KANSL2: variants seen among roughly 807,000 people sequenced by gnomAD.
KANSL2 encodes the protein NSL complex protein NSL2.
In KANSL2, 34 loss-of-function variants were observed where a neutral mutation model predicts 55.6. That is an observed-to-expected ratio of 0.61 (90% confidence interval 0.46 to 0.81). KANSL2 has a LOEUF of 0.81. Ranked by LOEUF, KANSL2 falls within the 40% of genes least tolerant of loss-of-function variation. The pLI, the probability that KANSL2 is intolerant of heterozygous loss-of-function variation, is 0.00. For synonymous variants in KANSL2, 209 were observed against 214.3 expected (o/e 0.98, Z 0.22); for missense variants, 502 against 609.9 (o/e 0.82, Z 1.86).
chr12:48,672,433 A>ATACGTATATATATATATATATATATTT (rs371918890), intron 4 of KANSL2, among the ~76,000 whole-genome samples: 2 of 120,384 alleles, frequency 1.7e-5, no homozygotes, highest in African/African-American at 3.6e-5. Context: ...ATATATATAT[A>ATACGTATATATATATATATATATATTT]TTTTTTTTTT....
intron 4 of KANSL2, among the ~76,000 whole-genome samples, chr12:48,674,185 G>A (rs1305020558): frequency 6.6e-6 from 1 of 152,108 alleles, no homozygotes; most frequent in Non-Finnish European, 1.5e-5. Flanking sequence ...CTGTTTCCCA[G>A]GCTGCACTGA....
At position 48,681,462 on chromosome 12, in the gene KANSL2, G is replaced by C. The variant is rs1939924379; in HGVS notation, c.171C>G (p.Pro57=). 1.2e-6 allele frequency: 2 copies of C among 1,613,898 alleles called. No homozygotes were observed. Among genetic ancestry groups the C allele is most frequent in the Non-Finnish European group, 1.7e-6 (2 of 1,179,862 alleles). The part of the protein sequence containing the change: ...IKHILEDKNA[P]FKQCSYISTK... ...TCGATATATAACTACACTGCTTGAA[G>C]GGTGCATTCTTGTCTTCAAGGATAT... The change falls in exon 2 of 10, where the codon CCC becomes CCG. Residue 57 remains proline (P), a synonymous_variant. Coordinates refer to ENST00000420613, the MANE Select transcript of KANSL2 (RefSeq NM_017822.4).
intron 4 of KANSL2, among the ~76,000 whole-genome samples, chr12:48,678,206 A>T (rs1480572706): frequency 6.6e-6 from 1 of 152,216 alleles, no homozygotes; most frequent in Admixed American, 6.5e-5. Context: ...ACAAAGTGTT[A>T]AGACACAGAA....
rs985147609 is a variant in KANSL2 at position 48,675,474 on chromosome 12, T to C, written c.546-3512A>G. Among the ~76,000 whole-genome samples, 5 of 152,318 alleles carry C rather than the reference T, an allele frequency of 3.3e-5. 1 individual carries two copies. Among genetic ancestry groups the C allele is most frequent in the South Asian group, 4.1e-4 (2 of 4,832 alleles). On this transcript the variant is annotated intron_variant, in intron 4 of 9. Transcript: ENST00000420613. ...TTCAGAAAAATGGGTTATGCCTACA[T>C]TAACCTGTCTGTAACCTAAAATACT...
In KANSL2 at chr12:48,653,958, C is replaced by G. The variant is rs1195959125; in HGVS notation, c.*86G>C. 4 of 1,360,606 alleles carry G rather than the reference C, an allele frequency of 2.9e-6. No individual in the cohort carries two copies. The highest frequency in any genetic ancestry group is 3.9e-6 in the Non-Finnish European group (4 of 1,014,548). 84.3% of individuals were successfully genotyped at this position (1,360,606 alleles called of 1,614,324 possible). ...AAGAAAAACAAGGTAGTCTGGGTTG[C>G]CTGTGTTTTGTGAGAGATGATCAGA... On this transcript the variant is annotated 3_prime_UTR_variant, in exon 10 of 10. Transcript: ENST00000420613.
At position 48,662,432 on chromosome 12, in the gene KANSL2, G is replaced by T. The variant is rs568293666; in HGVS notation, c.974-1813C>A. 12 of 953,134 alleles carry T rather than the reference G, an allele frequency of 1.3e-5. No homozygotes were observed. In the East Asian group the frequency reaches 9.5e-4, roughly 75 times the overall value. 59.0% of individuals were successfully genotyped at this position (953,134 alleles called of 1,614,324 possible). On this transcript the variant is annotated intron_variant, in intron 7 of 9. Coordinates refer to ENST00000420613, the MANE Select transcript of KANSL2 (RefSeq NM_017822.4). ...GAACTTTTTTTTATTGGAATTCAAA[G>T]GACTTTCACAAGTCTCTTATGTATT... is the stretch of plus-strand genomic sequence containing the variant.
At chr12:48,674,234 G>A (rs113189365) in intron 4 of KANSL2, among the ~76,000 whole-genome samples, 5,405 of 152,148 alleles carry the variant, frequency 0.036, 145 homozygotes, top group African/African-American at 0.072. Flanking sequence ...TCCGCCTCCC[G>A]GGTTCAAGCA....
intron 4 of KANSL2, among the ~76,000 whole-genome samples, chr12:48,676,383 G>A (rs1939821672): frequency 6.6e-6 from 1 of 152,102 alleles, no homozygotes; most frequent in Non-Finnish European, 1.5e-5. Flanking sequence ...TAGGATCACT[G>A]GGCGCACTGG....
intron 1 of KANSL2, 111 bp from the exon 2 acceptor site, chr12:48,681,752 G>C (rs1444985749): frequency 7.3e-7 from 1 of 1,375,912 alleles, no homozygotes; most frequent in Non-Finnish European, 1.0e-6. Context: ...TCCCCGTAAG[G>C]TACGCTCCGT....
chr12:48,674,492 C>A (rs893956895), intron 4 of KANSL2, among the ~76,000 whole-genome samples: 1 of 152,150 alleles, frequency 6.6e-6, no homozygotes, highest in Non-Finnish European at 1.5e-5. Flanking sequence ...CACTGAAATA[C>A]ACAGAATATA....
chr12:48,667,039 G>A (rs1448365350), intron 7 of KANSL2, among the ~76,000 whole-genome samples: 1 of 151,976 alleles, frequency 6.6e-6, no homozygotes, highest in Non-Finnish European at 1.5e-5. Context: ...ACATTAGCCA[G>A]GTATTGTGGT....
Position 48,669,186 on chromosome 12 carries a change from G to A in KANSL2, c.796C>T (p.Gln266Ter). ...AGTAAGGCTTCCACTCCATAGCGCT[G>A]GCGGTATCGTCGCAGACATTTTAAT... ...KRLKCLRRYR[Q>*]RYGVEALLHR... Residue 266 changes from glutamine to a stop codon, truncating the protein, a stop_gained, in exon 6 of 10, where the codon CAG (glutamine) becomes TAG (stop). Transcript: ENST00000420613. LOFTEE classifies it high-confidence loss of function. 1 of 1,554,930 alleles carries A rather than the reference G, an allele frequency of 6.4e-7. No individual in the cohort carries two copies. Among genetic ancestry groups the A allele is most frequent in the East Asian group, 2.4e-5 (1 of 41,396 alleles).
chr12:48,681,258 A>G, intron 2 of KANSL2, 124 bp downstream of exon 2: 1 of 1,133,622 alleles, frequency 8.8e-7, no homozygotes, highest in Non-Finnish European at 1.2e-6. Flanking sequence ...TTTTCCAAGG[A>G]TACAACCATA....
Position 48,654,107 on chromosome 12 carries a change from T to G in KANSL2, c.1416A>C (p.Ala472=), listed in dbSNP as rs1460263182. 6.2e-7 allele frequency: 1 copy of G among 1,613,094 alleles called. No homozygotes were observed. Among genetic ancestry groups the G allele is most frequent in the Admixed American group, 1.7e-5 (1 of 59,864 alleles). ...TAGCCAATCCACTCTGAGACAATGG[T>G]GCAGAGGCTTTCTCAGAATTTCGAG... is the stretch of plus-strand genomic sequence containing the variant. ...QGSRNSEKAS[A]PLSQSGLATA... is the part of the protein sequence containing the mutation. The change falls in exon 10 of 10, where the codon GCA becomes GCC. Residue 472 remains alanine, a synonymous_variant. Transcript: ENST00000420613.
intron 6 of KANSL2, among the ~76,000 whole-genome samples, chr12:48,668,699 C>A (rs1188630640): frequency 1.3e-5 from 2 of 151,754 alleles, no homozygotes; most frequent in Non-Finnish European, 2.9e-5. Context: ...AACTCTGTCT[C>A]AAAAAAAGAC....
At chr12:48,657,153 T>C (rs192792289) in intron 8 of KANSL2, among the ~76,000 whole-genome samples, 2 of 152,182 alleles carry the variant, frequency 1.3e-5, no homozygotes, top group East Asian at 3.9e-4. Context: ...GAGGCCAAGG[T>C]GGGCGGATCA....
intron 4 of KANSL2, 118 bp from the exon 5 acceptor site, chr12:48,672,080 T>A: frequency 2.4e-6 from 2 of 825,894 alleles, no homozygotes; most frequent in Non-Finnish European, 3.5e-6. Context: ...ATAATCACCT[T>A]AATGTTTTTG....
At chr12:48,672,339 T>C (rs936222130) in intron 4 of KANSL2, among the ~76,000 whole-genome samples, 7 of 148,310 alleles carry the variant, frequency 4.7e-5, no homozygotes, top group East Asian at 2.0e-4. Context: ...TCAATTAACA[T>C]GTATCTTTCA....
chr12:48,682,219 G>A lies in KANSL2; in HGVS notation c.-42C>T, dbSNP rs759732936. The A allele has an allele frequency of 6.2e-6, 4 of 645,636 alleles. No individual in the cohort carries two copies. The highest frequency in any genetic ancestry group is 2.7e-5 in the East Asian group (1 of 36,704). The allele number at this position is 645,636 out of a possible 1,614,324, so 40.0% of individuals were successfully genotyped here. A position where few individuals can be genotyped will look rare whatever the true frequency, so the allele number is the denominator to read the frequency against. ...GCTGCGCTGCGCCGCACTCTGCCGC[G>A]CCGCTCGCCCTTCTCTAGTGGCGCC... On this transcript the variant is annotated 5_prime_UTR_variant, in exon 1 of 10. Transcript: ENST00000420613.
Sources: gnomAD v4.1 joint callset for allele counts (sites outside exome capture counted in the v4.1 genomes callset) on GRCh38, gnomAD v4.1.1 for gene constraint, MANE v1.5 for transcripts, NCBI Gene and HGNC (gene_info 2026-07-23, HGNC 2026-07-21) for gene names.